TM7SF3: variants seen among roughly 807,000 people sequenced by gnomAD.
TM7SF3 encodes the protein seven span transmembrane protein.
A neutral mutation model predicts 65.5 loss-of-function variants in TM7SF3; 60 were observed. The ratio of observed to expected loss-of-function variants is 0.92; its 90% CI spans 0.74 to 1.14. The LOEUF (loss-of-function observed/expected upper bound fraction) is 1.14, where lower values mean the gene tolerates loss of function less well. Ranked by LOEUF, TM7SF3 falls within the 50% of genes most tolerant of loss-of-function variation. The probability of loss-of-function intolerance (pLI) is 0.00; values close to 1 mark genes in which losing one functional copy is unlikely to be tolerated. For synonymous variants in TM7SF3, 264 were observed against 259.6 expected (o/e 1.02, Z -0.16); for missense variants, 623 against 684.8 (o/e 0.91, Z 1.01).
At chr12:27,006,265 G>A (rs1941032482) in intron 1 of TM7SF3, among the ~76,000 whole-genome samples, 1 of 150,026 alleles carries the variant, frequency 6.7e-6, no homozygotes, top group African/African-American at 2.5e-5. Flanking sequence ...AACCTCCTGA[G>A]TACCTGGGAT....
intron 1 of TM7SF3, among the ~76,000 whole-genome samples, chr12:27,011,510 T>A (rs1314641617): frequency 6.6e-6 from 1 of 152,214 alleles, no homozygotes; most frequent in Non-Finnish European, 1.5e-5. Context: ...TTCAGGCCAC[T>A]ACAGAAGTCA....
At chr12:26,983,523 G>C (rs1592278534) in intron 6 of TM7SF3, 1 of 454,140 alleles carries the variant, frequency 2.2e-6, no homozygotes, top group East Asian at 7.0e-5. Context: ...TGATGACCAG[G>C]GATTTGCTTT....
At chr12:26,988,612 T>C (rs1439375272) in intron 6 of TM7SF3, among the ~76,000 whole-genome samples, 1 of 152,140 alleles carries the variant, frequency 6.6e-6, no homozygotes, top group Non-Finnish European at 1.5e-5. Context: ...TACAGAAGTA[T>C]TTAATGGCAA....
At chr12:26,985,573 TG>T (rs1940012098) in intron 6 of TM7SF3, among the ~76,000 whole-genome samples, 1 of 133,388 alleles carries the variant, frequency 7.5e-6, no homozygotes, top group African/African-American at 2.8e-5. Context: ...TGCAGTGAGC[TG>T]AGATCATGCC....
chr12:26,999,617 T>C lies in TM7SF3; in HGVS notation c.306A>G (p.Arg102=). ...ACCAAGTGCATGTACTCTGCTCTGG[T>C]CTAAGGATGAAAACCAGTCCACTGG... is the stretch of plus-strand genomic sequence containing the variant. ...GTASGLVFIL[R]PEQSTCTWYL... Residue 102 remains arginine, a synonymous_variant, in exon 3 of 12, where the codon AGA becomes AGG. Transcript: ENST00000343028. The C allele has an allele frequency of 6.2e-7, 1 of 1,614,064 alleles. No homozygotes were observed. Among genetic ancestry groups the C allele is most frequent in the Non-Finnish European group, 8.5e-7 (1 of 1,179,982 alleles).
At chr12:26,976,550 A>C (rs1180147717) in intron 9 of TM7SF3, among the ~76,000 whole-genome samples, 193 bp from the exon 10 acceptor site, 1 of 152,182 alleles carries the variant, frequency 6.6e-6, no homozygotes, top group Non-Finnish European at 1.5e-5. Context: ...TGTGTTCTAG[A>C]AGGTGGGTGG....
At position 27,005,989 on chromosome 12, in the gene TM7SF3, G is replaced by A. The variant is rs186307714; in HGVS notation, c.92-2599C>T. ...TAATTTTTGTATTTTTAGTAGAGAC[G>A]GGGTTTCACTATGTTGGCCAGGCTA... On this transcript the variant is annotated intron_variant, in intron 1 of 11. Coordinates refer to ENST00000343028, the MANE Select transcript of TM7SF3 (RefSeq NM_016551.3). 4.0e-4 allele frequency among the ~76,000 whole-genome samples: 60 copies of A among 149,008 alleles called. No individual in the cohort carries two copies. In the East Asian group the frequency reaches 7.8e-3, roughly 19 times the overall value.
rs1457102838 is a variant in TM7SF3 at position 26,973,385 on chromosome 12, T to C, written c.*580A>G. ...AGATGGGGTCTTGTCATGTTGCCCA[T>C]GTCGGTCTCAAACTCCTGGGCTCAA... On this transcript the variant is annotated 3_prime_UTR_variant, in exon 12 of 12. Transcript: ENST00000343028. 6.6e-6 allele frequency: 1 copy of C among 152,244 alleles called. No individual in the cohort carries two copies. Among genetic ancestry groups the C allele is most frequent in the Non-Finnish European group, 1.5e-5 (1 of 68,170 alleles). The allele number at this position is 152,244 out of a possible 1,614,324, so 9.4% of individuals were successfully genotyped here.
chr12:26,992,264 TA>T (rs1477281397), intron 5 of TM7SF3, among the ~76,000 whole-genome samples: 1 of 152,026 alleles, frequency 6.6e-6, no homozygotes, highest in Non-Finnish European at 1.5e-5. Flanking sequence ...AAGGCTATTT[TA>T]TTTTTTTATT....
intron 6 of TM7SF3, among the ~76,000 whole-genome samples, chr12:26,985,429 C>T (rs992230659): frequency 6.6e-6 from 1 of 151,366 alleles, no homozygotes; most frequent in African/African-American, 2.4e-5. Flanking sequence ...AGTTCAAGAC[C>T]AACCTGGCCA....
chr12:26,988,004 T>TA lies in TM7SF3; in HGVS notation c.868+2445dup, dbSNP rs199535008. On this transcript the variant is annotated intron_variant, in intron 6 of 11. Coordinates refer to ENST00000343028, the MANE Select transcript of TM7SF3 (RefSeq NM_016551.3). The stretch of plus-strand genomic sequence containing the variant: ...AAAGTAACCCAAATTGAAGACATTC[T>TA]AAAAAAAATAAATATTCTGTACTTC... 4.1e-3 allele frequency among the ~76,000 whole-genome samples: 611 copies of TA among 147,992 alleles called. 6 individuals carry two copies. Among genetic ancestry groups the TA allele is most frequent in the African/African-American group, 0.013 (506 of 39,994 alleles).
Position 26,984,742 on chromosome 12 carries a change from T to C in TM7SF3, c.869-1883A>G, listed in dbSNP as rs912062925. Among the ~76,000 whole-genome samples the C allele has an allele frequency of 3.9e-5, 6 of 152,054 alleles. No homozygotes were observed. In the South Asian group the frequency reaches 8.3e-4, roughly 21 times the overall value. ...CAGGAAGGAGGGAGAGAAACAATTA[T>C]ACAAGTAAAATGAGAGGGTATGGAA... is the stretch of plus-strand genomic sequence containing the variant. On this transcript the variant is annotated intron_variant, in intron 6 of 11. Coordinates refer to ENST00000343028, the MANE Select transcript of TM7SF3 (RefSeq NM_016551.3).
intron 11 of TM7SF3, 103 bp from the exon 12 acceptor site, chr12:26,974,330 G>T: frequency 7.8e-7 from 1 of 1,275,428 alleles, no homozygotes; most frequent in Non-Finnish European, 1.1e-6. Flanking sequence ...CTTTCTAATA[G>T]ACTTTCTGGT....
intron 6 of TM7SF3, among the ~76,000 whole-genome samples, chr12:26,989,725 C>T (rs1304836100): frequency 1.3e-5 from 2 of 152,148 alleles, no homozygotes; most frequent in African/African-American, 4.8e-5. Context: ...TTCTACCTAA[C>T]CTAGTTATCT....
At chr12:27,003,609 T>C (rs539904311) in intron 1 of TM7SF3, among the ~76,000 whole-genome samples, 1 of 152,284 alleles carries the variant, frequency 6.6e-6, no homozygotes, top group Admixed American at 6.5e-5. Context: ...AGAACTAAAA[T>C]GCAAGAGGTA....
At chr12:27,005,096 A>T (rs1035265743) in intron 1 of TM7SF3, among the ~76,000 whole-genome samples, 6 of 152,236 alleles carry the variant, frequency 3.9e-5, no homozygotes, top group African/African-American at 1.4e-4. Context: ...ACATAAAACT[A>T]TATGGATTTC....
chr12:26,974,199 C>G lies in TM7SF3; in HGVS notation c.1479G>C (p.Met493Ile). The G allele has an allele frequency of 6.2e-7, 1 of 1,614,198 alleles. No homozygotes were observed. Among genetic ancestry groups the G allele is most frequent in the Non-Finnish European group, 8.5e-7 (1 of 1,180,020 alleles). Residue 493 changes from methionine (M) to isoleucine (I), a missense_variant, in exon 12 of 12, where the codon ATG becomes ATC. Physicochemically the swap from Met to Ile is conservative, Grantham distance 10. Coordinates refer to ENST00000343028, the MANE Select transcript of TM7SF3 (RefSeq NM_016551.3). The part of the protein sequence containing the change: ...NDFIILAVWG[M>I]LAVSGITLQI... Reference sequence around the variant, plus strand: ...GTAACGTAATTCCACTTACAGCCAGCATGCCCCATACTGCCAGGATAATGA... The same window carrying G: ...GTAACGTAATTCCACTTACAGCCAGGATGCCCCATACTGCCAGGATAATGA...
intron 6 of TM7SF3, among the ~76,000 whole-genome samples, chr12:26,985,202 G>GCCA (rs1442357511): frequency 6.6e-6 from 1 of 152,064 alleles, no homozygotes; most frequent in East Asian, 1.9e-4. Flanking sequence ...CAGTCCATCG[G>GCCA]TTAAAAATAT....
At chr12:26,979,152 G>C (rs1447719491) in intron 9 of TM7SF3, 1 of 152,228 alleles carries the variant, frequency 6.6e-6, no homozygotes, top group Non-Finnish European at 1.5e-5. Context: ...AGTATTTTAA[G>C]AACATTGTCA....
Sources: allele counts gnomAD v4.1 joint callset (sites outside exome capture counted in the v4.1 genomes callset), GRCh38; gene constraint gnomAD v4.1.1; transcripts MANE v1.5; gene names NCBI Gene and HGNC (gene_info 2026-07-23, HGNC 2026-07-21).